Variants in GAREM1 observed in about 807,000 individuals in gnomAD.
The protein encoded by GAREM1 is GRB2 associated regulator of MAPK1 subtype 1.
In GAREM1, 26 loss-of-function variants were observed where a neutral mutation model predicts 71.3. The ratio of observed to expected loss-of-function variants is 0.36; its 90% CI spans 0.27 to 0.51. The LOEUF (loss-of-function observed/expected upper bound fraction) is 0.51, where lower values mean the gene tolerates loss of function less well. Ranked by LOEUF, GAREM1 falls within the 20% of genes least tolerant of loss-of-function variation. The probability of loss-of-function intolerance (pLI) is 0.95; values close to 1 mark genes in which losing one functional copy is unlikely to be tolerated. For synonymous variants in GAREM1, 440 were observed against 433.2 expected (o/e 1.02, Z -0.20); for missense variants, 1,026 against 1,103.1 (o/e 0.93, Z 0.99).
chr18:32,460,145 A>C (rs1260675088), intron 1 of GAREM1, among the ~76,000 whole-genome samples: 1 of 151,798 alleles, frequency 6.6e-6, no homozygotes, highest in Non-Finnish European at 1.5e-5. Flanking sequence ...AGTCTGACCA[A>C]AGAACTTTTC....
chr18:32,385,105 C>A (rs1015520496), intron 2 of GAREM1, among the ~76,000 whole-genome samples: 1 of 151,940 alleles, frequency 6.6e-6, no homozygotes, highest in Non-Finnish European at 1.5e-5. Context: ...AGAAAGATTT[C>A]TCAGATTCCA....
At chr18:32,310,401 C>A in intron 2 of GAREM1, 78 bp from the exon 3 acceptor site, 1 of 1,453,188 alleles carries the variant, frequency 6.9e-7, no homozygotes, top group South Asian at 1.3e-5. Context: ...CATCCTCTCT[C>A]TTTACCCCAG....
At chr18:32,353,760 C>T (rs1216676812) in intron 2 of GAREM1, among the ~76,000 whole-genome samples, 4 of 151,950 alleles carry the variant, frequency 2.6e-5, no homozygotes. Flanking sequence ...TGCTGTTCTA[C>T]AAGTATATGG....
intron 1 of GAREM1, among the ~76,000 whole-genome samples, chr18:32,411,593 T>A (rs1457495701): frequency 6.6e-6 from 1 of 152,180 alleles, no homozygotes; most frequent in Non-Finnish European, 1.5e-5. Context: ...TCTGGTACCA[T>A]TATTCAATTT....
chr18:32,456,533 A>G lies in GAREM1; in HGVS notation c.121+13775T>C, dbSNP rs143213080. ...TTTGGATAGCATTCTGGCAGCATCT[A>G]TTAAATCAACTCCACTTCTGTGAAC... On this transcript the variant is annotated intron_variant, in intron 1 of 5. Coordinates refer to ENST00000269209, the MANE Select transcript of GAREM1 (RefSeq NM_001242409.2). Among the ~76,000 whole-genome samples the G allele has an allele frequency of 3.3e-5, 5 of 152,284 alleles. No homozygotes were observed. The East Asian group carries it at 7.7e-4, about 23-fold the overall frequency.
chr18:32,455,807 ATTAACT>A (rs1217656520), intron 1 of GAREM1, among the ~76,000 whole-genome samples: 1 of 152,162 alleles, frequency 6.6e-6, no homozygotes, highest in Non-Finnish European at 1.5e-5. Flanking sequence ...TTCCGATTTC[ATTAACT>A]TTATGTGTTC....
At position 32,268,631 on chromosome 18, in the gene GAREM1, A is replaced by G. The variant is rs1316128170; in HGVS notation, c.1871T>C (p.Leu624Pro). The G allele has an allele frequency of 6.2e-7, 1 of 1,614,192 alleles. No individual in the cohort carries two copies. Among genetic ancestry groups the G allele is most frequent in the East Asian group, 2.2e-5 (1 of 44,886 alleles). Residue 624 changes from leucine (L) to proline (P), a missense_variant, in exon 6 of 6, where the codon CTC becomes CCC. Coordinates refer to ENST00000269209, the MANE Select transcript of GAREM1 (RefSeq NM_001242409.2). The stretch of plus-strand genomic sequence containing the variant: ...TCCTGAATAATGGTTAGGCCATGAG[A>G]GCCGAGAGGACACAGCTTCAGCAGA... ...SPSAEAVSSR[L>P]SWPNHYSGAS...
intron 4 of GAREM1, among the ~76,000 whole-genome samples, chr18:32,280,645 G>T (rs1196477103): frequency 1.3e-5 from 2 of 152,182 alleles, no homozygotes; most frequent in Non-Finnish European, 2.9e-5. Context: ...AGTTTGTGAT[G>T]ATTCCACAGT....
intron 1 of GAREM1, among the ~76,000 whole-genome samples, chr18:32,396,926 A>T (rs2048263263): frequency 6.6e-6 from 1 of 152,220 alleles, no homozygotes; most frequent in African/African-American, 2.4e-5. Context: ...GTTATCCACA[A>T]AGGGAAGCCC....
chr18:32,363,376 T>C (rs144106176), intron 2 of GAREM1, among the ~76,000 whole-genome samples: 102 of 152,332 alleles, frequency 6.7e-4, no homozygotes, highest in African/African-American at 2.2e-3. Flanking sequence ...AACACTGTTT[T>C]TTAATAAAAT....
rs17736127 is a variant in GAREM1, at chr18:32,264,542, T to A, written c.*3329A>T. 5.9e-5 allele frequency: 9 copies of A among 152,286 alleles called. No individual in the cohort carries two copies. In the East Asian group the frequency reaches 9.6e-4, roughly 16 times the overall value. 9.4% of individuals were successfully genotyped at this position (152,286 alleles called of 1,614,324 possible). A position where few individuals can be genotyped will look rare whatever the true frequency, so the allele number is the denominator to read the frequency against. ...TGTTTATGCATGTGTCTGAGAACAG[T>A]TGGAACGGACTGTCATAATATTTCC... On this transcript the variant is annotated 3_prime_UTR_variant, in exon 6 of 6. Transcript: ENST00000269209.
chr18:32,317,694 CTT>C (rs79726159), intron 2 of GAREM1, among the ~76,000 whole-genome samples: 32 of 131,078 alleles, frequency 2.4e-4, no homozygotes, highest in Non-Finnish European at 3.1e-4. Context: ...TTCGCTGTTG[CTT>C]TTTTTTTTTT....
intron 1 of GAREM1, among the ~76,000 whole-genome samples, chr18:32,437,262 G>A (rs983187080): frequency 3.9e-5 from 6 of 152,138 alleles, no homozygotes; most frequent in African/African-American, 1.4e-4. Flanking sequence ...AGTAGCTCCT[G>A]TGCTTGCTTT....
chr18:32,354,593 G>A (rs750226898), intron 2 of GAREM1, among the ~76,000 whole-genome samples: 8 of 152,104 alleles, frequency 5.3e-5, no homozygotes, highest in African/African-American at 1.9e-4. Flanking sequence ...AAACTTCTCC[G>A]CAAAAGCAAA....
intron 2 of GAREM1, among the ~76,000 whole-genome samples, chr18:32,323,829 C>G (rs2047451628): frequency 6.6e-6 from 1 of 151,692 alleles, no homozygotes; most frequent in Non-Finnish European, 1.5e-5. Context: ...AAATTAAGAG[C>G]AGCAAAAATT....
At position 32,392,734 on chromosome 18, in the gene GAREM1, C is replaced by A. The variant is rs529589040; in HGVS notation, c.262+161G>T. ...ATGCATTAATTAGAAATACTTCTAACAAAATGAATCTGAGCTTTCACTGAT... is the reference window on the plus strand; with the variant it reads ...ATGCATTAATTAGAAATACTTCTAAAAAAATGAATCTGAGCTTTCACTGAT... On this transcript the variant is annotated intron_variant, in intron 2 of 5. Coordinates refer to ENST00000269209, the MANE Select transcript of GAREM1 (RefSeq NM_001242409.2). Among the ~76,000 whole-genome samples, 52 of 152,284 alleles carry A rather than the reference C, an allele frequency of 3.4e-4. 1 individual carries two copies. The South Asian group carries it at 0.011, about 32-fold the overall frequency.
chr18:32,464,901 G>A (rs890040557), intron 1 of GAREM1, among the ~76,000 whole-genome samples: 1 of 152,202 alleles, frequency 6.6e-6, no homozygotes, highest in Non-Finnish European at 1.5e-5. Flanking sequence ...CCCAACACCT[G>A]TAACAGGGCT....
chr18:32,298,147 A>C (rs2047162066), intron 3 of GAREM1, among the ~76,000 whole-genome samples: 1 of 152,182 alleles, frequency 6.6e-6, no homozygotes, highest in African/African-American at 2.4e-5. Context: ...TTCTTAAATA[A>C]CTTACTCCTA....
At chr18:32,335,575 A>C (rs1376358757) in intron 2 of GAREM1, among the ~76,000 whole-genome samples, 1 of 152,206 alleles carries the variant, frequency 6.6e-6, no homozygotes, top group African/African-American at 2.4e-5. Flanking sequence ...AGAGCAATGC[A>C]ATTACTATGT....
Sources: gnomAD v4.1 joint callset for allele counts (sites outside exome capture counted in the v4.1 genomes callset) on GRCh38, gnomAD v4.1.1 for gene constraint, MANE v1.5 for transcripts, NCBI Gene and HGNC (gene_info 2026-07-23, HGNC 2026-07-21) for gene names.